GPHN: variants seen among roughly 807,000 people sequenced by gnomAD.
The protein encoded by GPHN is gephyrin.
A neutral mutation model predicts 95.5 loss-of-function variants in GPHN; 17 were observed. That is an observed-to-expected ratio of 0.18 (90% CI 0.12 to 0.27). The LOEUF (loss-of-function observed/expected upper bound fraction) is 0.27, where lower values mean the gene tolerates loss of function less well. Ranked by LOEUF, GPHN falls within the 10% of genes least tolerant of loss-of-function variation. The pLI is 1.00. For missense variants in GPHN, 660 were observed against 978.1 expected (o/e 0.67, Z 4.34); for synonymous variants, 320 against 322.5 (o/e 0.99, Z 0.08).
At chr14:67,592,419 C>A in the GPHN span, 3 of 513,972 alleles carry the variant, frequency 5.8e-6, no homozygotes, top group African/African-American at 3.9e-5. Flanking sequence ...GCCTAGGTGA[C>A]AAAGTGAGAC....
At chr14:67,247,858 C>T in the GPHN span, among the ~76,000 whole-genome samples, 50 of 152,268 alleles carry the variant, frequency 3.3e-4, no homozygotes, top group African/African-American at 1.2e-3. Context: ...GGATTACAGG[C>T]ATGAGTCACA....
At chr14:66,559,934 A>C (rs2060161056) in intron 1 of GPHN, among the ~76,000 whole-genome samples, 2 of 152,074 alleles carry the variant, frequency 1.3e-5, no homozygotes, top group African/African-American at 4.8e-5. Context: ...TAAGGAAGGG[A>C]TCCAGTTTCA....
the GPHN span, among the ~76,000 whole-genome samples, chr14:67,323,201 GTA>G: frequency 4.0e-4 from 58 of 146,744 alleles, 1 homozygote; most frequent in African/African-American, 1.3e-3. Flanking sequence ...TATTATATGT[GTA>G]TATATATACA....
At chr14:66,519,942 C>T (rs1003943665) in intron 1 of GPHN, among the ~76,000 whole-genome samples, 1 of 152,068 alleles carries the variant, frequency 6.6e-6, no homozygotes, top group Admixed American at 6.6e-5. Flanking sequence ...AGTAAATGAA[C>T]AGGCTGCAAA....
At chr14:66,629,089 A>ATATG (rs1555364777) in intron 1 of GPHN, among the ~76,000 whole-genome samples, 4 of 109,576 alleles carry the variant, frequency 3.7e-5, no homozygotes, top group African/African-American at 5.3e-5. Context: ...ACATATATAT[A>ATATG]TATATAAATA....
At chr14:67,366,866 T>C in the GPHN span, among the ~76,000 whole-genome samples, 1 of 139,178 alleles carries the variant, frequency 7.2e-6, no homozygotes, top group Non-Finnish European at 1.5e-5. Flanking sequence ...TTACACCTTT[T>C]TTTTTGACCT....
the GPHN span, chr14:67,576,624 G>C: frequency 3.7e-5 from 21 of 566,346 alleles, no homozygotes; most frequent in South Asian, 4.5e-4. This position sits in a 1 kb window ranked among gnomAD's most constrained non-coding sequence, Gnocchi z 4.0. Context: ...CTAAGCCACA[G>C]AGGGGAAGTT....
chr14:66,513,101 A>G (rs1011088976), intron 1 of GPHN, among the ~76,000 whole-genome samples: 2 of 151,792 alleles, frequency 1.3e-5, no homozygotes, highest in African/African-American at 4.8e-5. Context: ...AGAGAATTAA[A>G]TGTTTAGGCA....
the GPHN span, among the ~76,000 whole-genome samples, chr14:67,521,665 T>C: frequency 2.0e-5 from 3 of 152,168 alleles, no homozygotes; most frequent in African/African-American, 4.8e-5. Flanking sequence ...TGTGAATTCA[T>C]CCATAAAGCA....
At chr14:66,898,424 GTTT>G (rs1339808086) in intron 5 of GPHN, among the ~76,000 whole-genome samples, 1 of 119,934 alleles carries the variant, frequency 8.3e-6, no homozygotes, top group African/African-American at 3.4e-5. Context: ...TGGTTGGTTG[GTTT>G]TTGTGTATGA....
chr14:66,517,614 A>G (rs1156734822), intron 1 of GPHN, among the ~76,000 whole-genome samples: 1 of 152,212 alleles, frequency 6.6e-6, no homozygotes, highest in Non-Finnish European at 1.5e-5. Flanking sequence ...AAGGAACAGA[A>G]TCGAGAACCC....
At chr14:67,338,711 C>T in the GPHN span, 1 of 1,613,694 alleles carries the variant, frequency 6.2e-7, no homozygotes, top group East Asian at 2.2e-5. Context: ...GCTCCAAGTC[C>T]TTCTCAGATT....
At chr14:67,452,473 C>T in the GPHN span, among the ~76,000 whole-genome samples, 1 of 152,042 alleles carries the variant, frequency 6.6e-6, no homozygotes, top group Non-Finnish European at 1.5e-5. Flanking sequence ...AGTCATTAAA[C>T]CTCTTTCTTT....
At chr14:67,577,254 C>T in the GPHN span, 5 of 1,203,304 alleles carry the variant, frequency 4.2e-6, no homozygotes, top group Non-Finnish European at 6.0e-6. Flanking sequence ...AGATGAGTCC[C>T]CTCTCAGTAG....
chr14:67,617,878 G>T, the GPHN span, among the ~76,000 whole-genome samples: 1 of 152,118 alleles, frequency 6.6e-6, no homozygotes, highest in Non-Finnish European at 1.5e-5. Context: ...CCGCCACCAT[G>T]CCCAGCTTTT....
chr14:67,728,237 G>A, the GPHN span: 3 of 152,098 alleles, frequency 2.0e-5, no homozygotes, highest in Non-Finnish European at 4.4e-5. Context: ...AGAAGAAGAC[G>A]GTAATCATAA....
At chr14:67,582,287 A>G in the GPHN span, 1 of 1,605,434 alleles carries the variant, frequency 6.2e-7, no homozygotes, top group Non-Finnish European at 8.5e-7. This position sits in a 1 kb window ranked among gnomAD's most constrained non-coding sequence, Gnocchi z 5.0. Context: ...GAAACACAGG[A>G]GAGATTCTGC....
At chr14:66,609,283 T>C (rs1262166224) in intron 1 of GPHN, among the ~76,000 whole-genome samples, 1 of 152,184 alleles carries the variant, frequency 6.6e-6, no homozygotes, top group African/African-American at 2.4e-5. Context: ...CGATCTCTTC[T>C]GGCTTGTAAG....
At chr14:67,712,923 T>A in the GPHN span, among the ~76,000 whole-genome samples, 1 of 151,992 alleles carries the variant, frequency 6.6e-6, no homozygotes, top group Non-Finnish European at 1.5e-5. Context: ...TTGCTGGCCA[T>A]TTTTCTCCTA....
Sources: allele counts gnomAD v4.1 joint callset (sites outside exome capture counted in the v4.1 genomes callset), GRCh38; gene constraint gnomAD v4.1.1; non-coding constraint Gnocchi (gnomAD v3.1); transcripts MANE v1.5; gene names NCBI Gene and HGNC (gene_info 2026-07-23, HGNC 2026-07-21).